Variants in ELMO1 observed in about 807,000 individuals in gnomAD.
ELMO1 encodes engulfment and cell motility 1.
ELMO1 carries 26 observed loss-of-function variants against 98.9 expected under a neutral mutation model. The observed-to-expected ratio is 0.26, with a 90% CI of 0.19 to 0.36. ELMO1 has a LOEUF of 0.36. Among genes scored for constraint, ELMO1 ranks in the 10% least tolerant of loss-of-function variants. ELMO1 has a pLI of 1.00. For synonymous variants in ELMO1, 346 were observed against 346.0 expected, an observed-to-expected ratio of 1.00 and a Z score of 0.00; for missense variants, 627 against 935.2, an observed-to-expected ratio of 0.67 and a Z score of 4.30.
intron 1 of ELMO1, among the ~76,000 whole-genome samples, chr7:37,366,759 T>A (rs1008130386): frequency 6.6e-6 from 1 of 152,180 alleles, no homozygotes; most frequent in Non-Finnish European, 1.5e-5. Context: ...AATAGCATTC[T>A]CCGAACTCCT....
chr7:37,440,415 C>T (rs1205339647), intron 1 of ELMO1, among the ~76,000 whole-genome samples: 1 of 150,270 alleles, frequency 6.7e-6, no homozygotes, highest in Non-Finnish European at 1.5e-5. Context: ...GCACTCCAGC[C>T]TGGGCAACAG....
At chr7:37,427,657 A>G (rs1006762120) in intron 1 of ELMO1, among the ~76,000 whole-genome samples, 1 of 152,222 alleles carries the variant, frequency 6.6e-6, no homozygotes, top group African/African-American at 2.4e-5. Context: ...TAATATCGCT[A>G]TTTTTGCTTT....
At chr7:37,206,038 G>A (rs145670792) in intron 13 of ELMO1, among the ~76,000 whole-genome samples, 1 of 152,084 alleles carries the variant, frequency 6.6e-6, no homozygotes, top group African/African-American at 2.4e-5. Context: ...CTTTCACCAC[G>A]GATTTTCACA....
intron 16 of ELMO1, among the ~76,000 whole-genome samples, chr7:36,951,199 C>G (rs1787935836): frequency 6.6e-6 from 1 of 152,148 alleles, no homozygotes; most frequent in Non-Finnish European, 1.5e-5. Flanking sequence ...CTGGACTCAG[C>G]AATAGAGATC....
chr7:37,226,649 T>G, intron 8 of ELMO1, among the ~76,000 whole-genome samples: 1 of 152,156 alleles, frequency 6.6e-6, no homozygotes, highest in East Asian at 1.9e-4. Context: ...CAACTAATTT[T>G]CTCCTCATTC....
intron 16 of ELMO1, among the ~76,000 whole-genome samples, chr7:37,007,135 A>G (rs1353585520): frequency 6.6e-6 from 1 of 152,242 alleles, no homozygotes; most frequent in Non-Finnish European, 1.5e-5. Context: ...AGGAGGTTCC[A>G]CTGCCTGTGT....
Position 37,157,589 on chromosome 7 carries a change from T to C in ELMO1, c.1087-24355A>G, listed in dbSNP as rs1181561652. ...ATAAGGAGAATAAAATACCTAGGAA[T>C]CCAACTTACAAGGGATGTGAAGGAA... On this transcript the variant is annotated intron_variant, in intron 13 of 21. Coordinates refer to ENST00000310758, the MANE Select transcript of ELMO1 (RefSeq NM_014800.11). Among the ~76,000 whole-genome samples the C allele has an allele frequency of 2.6e-5, 4 of 152,180 alleles. No individual in the cohort carries two copies. The East Asian group carries it at 7.7e-4, about 29-fold the overall frequency.
At chr7:37,075,935 A>C (rs1797553862) in intron 15 of ELMO1, among the ~76,000 whole-genome samples, 1 of 152,248 alleles carries the variant, frequency 6.6e-6, no homozygotes, top group Non-Finnish European at 1.5e-5. Context: ...CTGTTGAGTA[A>C]GTAATTTCAA....
chr7:37,316,061 ATTTACATTTGCTATTCTTAGT>A, intron 2 of ELMO1, 101 bp from the exon 3 acceptor site: 1 of 966,918 alleles, frequency 1.0e-6, no homozygotes, highest in South Asian at 1.5e-5. Context: ...AGCAAAGAGA[ATTTACATTTGCTATTCTTAGT>A]TGTTGTCAAT....
chr7:36,962,065 A>G (rs1399411466), intron 16 of ELMO1, among the ~76,000 whole-genome samples: 1 of 152,222 alleles, frequency 6.6e-6, no homozygotes, highest in East Asian at 1.9e-4. Context: ...TCTTTAAATT[A>G]TTCCTAAAAT....
intron 13 of ELMO1, among the ~76,000 whole-genome samples, chr7:37,180,690 C>T (rs957170678): frequency 6.6e-6 from 1 of 152,066 alleles, no homozygotes; most frequent in Non-Finnish European, 1.5e-5. Context: ...TTAGCAAATA[C>T]GTACCTACTA....
chr7:37,383,373 T>C (rs1370552583), intron 1 of ELMO1, among the ~76,000 whole-genome samples: 1 of 152,220 alleles, frequency 6.6e-6, no homozygotes, highest in Non-Finnish European at 1.5e-5. Context: ...AGTCAGGTTA[T>C]GCATTTTTGG....
At chr7:37,445,722 T>C (rs1451801690) in intron 1 of ELMO1, among the ~76,000 whole-genome samples, 3 of 152,188 alleles carry the variant, frequency 2.0e-5, no homozygotes, top group Non-Finnish European at 4.4e-5. Flanking sequence ...TTATTTTTCT[T>C]CTCCTAGGCA....
chr7:37,136,234 C>T (rs1787254138), intron 13 of ELMO1, among the ~76,000 whole-genome samples: 1 of 152,076 alleles, frequency 6.6e-6, no homozygotes, highest in Non-Finnish European at 1.5e-5. Flanking sequence ...TGTTAAACGT[C>T]CAAACCTAAG....
Position 36,961,781 on chromosome 7 carries a change from A to G in ELMO1, c.1437+51518T>C, listed in dbSNP as rs115888888. Among the ~76,000 whole-genome samples, 790 of 152,346 alleles carry G rather than the reference A, an allele frequency of 5.2e-3. 7 individuals carry two copies. Among genetic ancestry groups the G allele is most frequent in the African/African-American group, 0.018 (764 of 41,576 alleles). ...AACAGTTTAACATAGTGCTCTAATAAGATTGAAACAAAATACCCTCTTGCC... is the reference window on the plus strand; with the variant it reads ...AACAGTTTAACATAGTGCTCTAATAGGATTGAAACAAAATACCCTCTTGCC... On this transcript the variant is annotated intron_variant, in intron 16 of 21. Transcript: ENST00000310758.
intron 13 of ELMO1, among the ~76,000 whole-genome samples, chr7:37,139,562 A>G (rs1464061462): frequency 1.3e-5 from 2 of 152,222 alleles, no homozygotes; most frequent in East Asian, 3.8e-4. Context: ...GAAAGACATC[A>G]TAGACAACAC....
At position 36,876,704 on chromosome 7, in the gene ELMO1, G is replaced by A. The variant is rs187384134; in HGVS notation, c.1822+1306C>T. Reference sequence around the variant, plus strand: ...ACCGCTGGTCTAGCTTGGCCAAGGTGGGGTGGGGAAGGCTGGAACTGTGAA... The same window carrying A: ...ACCGCTGGTCTAGCTTGGCCAAGGTAGGGTGGGGAAGGCTGGAACTGTGAA... On this transcript the variant is annotated intron_variant, in intron 19 of 21. Coordinates refer to ENST00000310758, the MANE Select transcript of ELMO1 (RefSeq NM_014800.11). 1.1e-3 allele frequency among the ~76,000 whole-genome samples: 168 copies of A among 152,270 alleles called. 4 individuals carry two copies. The South Asian group carries it at 0.025, about 23-fold the overall frequency.
chr7:37,161,490 T>C (rs557474691), intron 13 of ELMO1, among the ~76,000 whole-genome samples: 3 of 152,276 alleles, frequency 2.0e-5, no homozygotes, highest in African/African-American at 4.8e-5. Flanking sequence ...GGGGATATTC[T>C]ACCTCTCTAT....
intron 16 of ELMO1, among the ~76,000 whole-genome samples, chr7:37,011,896 A>T (rs894707165): frequency 5.9e-5 from 9 of 152,226 alleles, no homozygotes; most frequent in Non-Finnish European, 1.2e-4. Context: ...AAAGTCTCTC[A>T]CAATCAAGCG....
Sources: gnomAD v4.1 joint callset for allele counts (sites outside exome capture counted in the v4.1 genomes callset) on GRCh38, gnomAD v4.1.1 for gene constraint, MANE v1.5 for transcripts, NCBI Gene and HGNC (gene_info 2026-07-23, HGNC 2026-07-21) for gene names.